Variants in OSBP2 observed in about 807,000 individuals in gnomAD.
OSBP2 encodes the protein oxysterol binding protein 2.
A neutral mutation model predicts 96.0 loss-of-function variants in OSBP2; 66 were observed. The ratio of observed to expected loss-of-function variants is 0.69; its 90% CI spans 0.56 to 0.84. OSBP2 has a LOEUF of 0.84. Among genes scored for constraint, OSBP2 ranks in the 40% least tolerant of loss-of-function variants. OSBP2 has a pLI of 0.00. For synonymous variants in OSBP2, 525 were observed against 520.9 expected, an observed-to-expected ratio of 1.01 and a Z score of -0.11; for missense variants, 1,038 against 1,222.7, an observed-to-expected ratio of 0.85 and a Z score of 2.25.
chr22:30,783,303 T>C (rs1242718128), intron 2 of OSBP2, among the ~76,000 whole-genome samples: 3 of 71,054 alleles, frequency 4.2e-5, no homozygotes, highest in African/African-American at 7.8e-5. Flanking sequence ...TTCAGAGAGC[T>C]TTTTTTTTTT....
At chr22:30,744,482 C>G (rs1415754778) in intron 2 of OSBP2, among the ~76,000 whole-genome samples, 1 of 152,160 alleles carries the variant, frequency 6.6e-6, no homozygotes, top group Non-Finnish European at 1.5e-5. Flanking sequence ...CTTGAAATCA[C>G]CTGCTACTCC....
intron 2 of OSBP2, among the ~76,000 whole-genome samples, chr22:30,860,421 G>A (rs1274867650): frequency 6.6e-6 from 1 of 152,184 alleles, no homozygotes; most frequent in Admixed American, 6.5e-5. Flanking sequence ...GGAGGAAGAG[G>A]GAGCCTGAGT....
chr22:30,708,477 G>GTTTTTT (rs2089291362), intron 1 of OSBP2, among the ~76,000 whole-genome samples: 2 of 75,578 alleles, frequency 2.6e-5, no homozygotes, highest in Non-Finnish European at 2.8e-5. Context: ...AAAGGATAAG[G>GTTTTTT]ATTTTTTTTT....
chr22:30,850,559 G>T (rs991455970), intron 2 of OSBP2, among the ~76,000 whole-genome samples: 1 of 152,056 alleles, frequency 6.6e-6, no homozygotes, highest in Non-Finnish European at 1.5e-5. Flanking sequence ...GAGTGCAGTG[G>T]TGTGATCTCC....
intron 1 of OSBP2, among the ~76,000 whole-genome samples, chr22:30,699,213 G>C (rs772268532): frequency 5.2e-4 from 79 of 152,164 alleles, no homozygotes; most frequent in Non-Finnish European, 9.3e-4. Flanking sequence ...CCAAACTGCT[G>C]AGATTACAGG....
At chr22:30,733,610 GGAGA>G (rs1199539812) in intron 1 of OSBP2, among the ~76,000 whole-genome samples, 1 of 152,110 alleles carries the variant, frequency 6.6e-6, no homozygotes, top group Non-Finnish European at 1.5e-5. Flanking sequence ...CTTAAATGGA[GGAGA>G]GAGAGAGGGG....
intron 1 of OSBP2, among the ~76,000 whole-genome samples, chr22:30,715,204 G>A (rs1285477735): frequency 2.0e-5 from 3 of 151,748 alleles, no homozygotes; most frequent in African/African-American, 7.3e-5. Context: ...GCCCAACAAT[G>A]TTTCTTAAAG....
intron 6 of OSBP2, 80 bp from the exon 7 acceptor site, chr22:30,889,410 G>A: frequency 6.4e-7 from 1 of 1,555,310 alleles, no homozygotes; most frequent in Non-Finnish European, 8.9e-7. Flanking sequence ...CCAGTCCTCA[G>A]GGTGGAGGGC....
chr22:30,724,858 A>G (rs1273392385), intron 1 of OSBP2, among the ~76,000 whole-genome samples: 3 of 152,262 alleles, frequency 2.0e-5, no homozygotes, highest in Admixed American at 2.0e-4. Context: ...CCATGGAAAG[A>G]GCCCTGTGCT....
chr22:30,865,315 T>A (rs2039312081), intron 2 of OSBP2, among the ~76,000 whole-genome samples: 1 of 152,042 alleles, frequency 6.6e-6, no homozygotes, highest in South Asian at 2.1e-4. Context: ...CGAGCCTCTA[T>A]GATTTGAAGT....
intron 2 of OSBP2, among the ~76,000 whole-genome samples, chr22:30,789,081 C>T (rs760626125): frequency 3.9e-5 from 6 of 152,156 alleles, no homozygotes; most frequent in Non-Finnish European, 7.3e-5. Flanking sequence ...AAAAATTACT[C>T]GGCATTAGCC....
intron 2 of OSBP2, among the ~76,000 whole-genome samples, chr22:30,810,569 G>A (rs754826611): frequency 8.5e-5 from 13 of 152,056 alleles, no homozygotes; most frequent in South Asian, 2.1e-4. Context: ...AGCTTCAGCC[G>A]GAAGCCTGGC....
At chr22:30,760,510 C>T (rs2090193379) in intron 2 of OSBP2, among the ~76,000 whole-genome samples, 1 of 152,072 alleles carries the variant, frequency 6.6e-6, no homozygotes, top group Non-Finnish European at 1.5e-5. Flanking sequence ...AAGATAGGTT[C>T]CATGTTTGAA....
chr22:30,894,397 C>A, intron 12 of OSBP2: 1 of 188,948 alleles, frequency 5.3e-6, no homozygotes, highest in Non-Finnish European at 1.1e-5. Context: ...GGTTTAGTAG[C>A]TAGAATCTAT....
intron 2 of OSBP2, among the ~76,000 whole-genome samples, chr22:30,777,116 T>C (rs1426288028): frequency 6.6e-6 from 1 of 152,234 alleles, no homozygotes; most frequent in African/African-American, 2.4e-5. Context: ...GATGAGACTT[T>C]GGACTGTGGA....
At chr22:30,830,964 G>A (rs1028422614) in intron 2 of OSBP2, among the ~76,000 whole-genome samples, 4 of 151,582 alleles carry the variant, frequency 2.6e-5, no homozygotes, top group African/African-American at 7.3e-5. Flanking sequence ...GTGTTTATTC[G>A]TTGGAAGGCT....
chr22:30,846,742 G>A (rs2038878689), intron 2 of OSBP2, among the ~76,000 whole-genome samples: 1 of 151,856 alleles, frequency 6.6e-6, no homozygotes, highest in Non-Finnish European at 1.5e-5. Flanking sequence ...TTTAAGTTTG[G>A]TTATCTTTTA....
chr22:30,862,960 C>G (rs1379704820), intron 2 of OSBP2, among the ~76,000 whole-genome samples: 2 of 74,384 alleles, frequency 2.7e-5, no homozygotes, highest in Non-Finnish European at 5.4e-5. Flanking sequence ...GTGACTCTGT[C>G]TCAAAAAAAA....
chr22:30,701,644 T>TA (rs1237669095), intron 1 of OSBP2, among the ~76,000 whole-genome samples: 3 of 152,018 alleles, frequency 2.0e-5, no homozygotes, highest in African/African-American at 7.2e-5. Flanking sequence ...CGCCCAGCCT[T>TA]CAATGTCAAT....
Sources: gnomAD v4.1 joint callset for allele counts (sites outside exome capture counted in the v4.1 genomes callset) on GRCh38, gnomAD v4.1.1 for gene constraint, MANE v1.5 for transcripts, NCBI Gene and HGNC (gene_info 2026-07-23, HGNC 2026-07-21) for gene names.